FGF14: variants seen among roughly 807,000 people sequenced by gnomAD.
FGF14 encodes fibroblast growth factor 14, also known as fibroblast growth factor homologous factor 4.
Under a neutral mutation model 25.5 loss-of-function variants are expected in FGF14, and 5 were observed. The observed-to-expected ratio is 0.20, with a 90% CI of 0.10 to 0.41. FGF14 has a LOEUF of 0.41. Ranked by LOEUF, FGF14 falls within the 10% of genes least tolerant of loss-of-function variation. FGF14 has a pLI of 1.00. For missense variants in FGF14, 222 were observed against 320.1 expected, an observed-to-expected ratio of 0.69 and a Z score of 2.34; for synonymous variants, 138 against 118.3, an observed-to-expected ratio of 1.17 and a Z score of -1.08.
At chr13:101,929,820 T>C (rs1180182778) in intron 1 of FGF14, among the ~76,000 whole-genome samples, 1 of 152,252 alleles carries the variant, frequency 6.6e-6, no homozygotes. Flanking sequence ...TGGTGGGTTG[T>C]AGCCCTTTAT....
intron 1 of FGF14, among the ~76,000 whole-genome samples, chr13:102,004,484 C>G (rs61966482): frequency 0.023 from 3,551 of 152,264 alleles, 49 homozygotes; most frequent in Middle Eastern, 0.054. Context: ...GCAAAACAAC[C>G]TGATCTTTAC....
intron 1 of FGF14, among the ~76,000 whole-genome samples, chr13:102,076,315 T>C (rs2043361184): frequency 6.6e-6 from 1 of 152,202 alleles, no homozygotes; most frequent in South Asian, 2.1e-4. Context: ...TATGTTTAGA[T>C]ACACAATCAC....
chr13:102,311,488 G>A (rs2055764193), intron 1 of FGF14, among the ~76,000 whole-genome samples: 1 of 152,120 alleles, frequency 6.6e-6, no homozygotes, highest in African/African-American at 2.4e-5. Context: ...GCTGAATCGG[G>A]CCGATTTAAA....
intron 3 of FGF14, among the ~76,000 whole-genome samples, chr13:101,789,928 C>A (rs1368638901): frequency 6.6e-6 from 1 of 151,446 alleles, no homozygotes; most frequent in Non-Finnish European, 1.5e-5. Context: ...AATGCCCTTA[C>A]ATTATTCTTA....
At chr13:101,899,944 A>G (rs2031302208) in intron 1 of FGF14, among the ~76,000 whole-genome samples, 1 of 152,164 alleles carries the variant, frequency 6.6e-6, no homozygotes, top group Non-Finnish European at 1.5e-5. Flanking sequence ...GCACCTGGCT[A>G]CAAAATAAAA....
intron 1 of FGF14, among the ~76,000 whole-genome samples, chr13:102,074,826 C>T (rs868824079): frequency 6.6e-6 from 1 of 152,058 alleles, no homozygotes. Context: ...GGATAAAAAC[C>T]GTATGATCAT....
chr13:102,390,248 A>G (rs1297963896), intron 1 of FGF14, among the ~76,000 whole-genome samples: 1 of 152,220 alleles, frequency 6.6e-6, no homozygotes, highest in East Asian at 1.9e-4. Flanking sequence ...GGAATATTCC[A>G]TATCTTAACT....
At chr13:102,028,983 G>A (rs1170525857) in intron 1 of FGF14, among the ~76,000 whole-genome samples, 1 of 152,002 alleles carries the variant, frequency 6.6e-6, no homozygotes, top group African/African-American at 2.4e-5. Flanking sequence ...AGGCTCAGCA[G>A]AACACATTCT....
intron 1 of FGF14, among the ~76,000 whole-genome samples, chr13:102,077,176 A>G (rs1037405606): frequency 2.0e-5 from 3 of 152,184 alleles, no homozygotes; most frequent in Non-Finnish European, 2.9e-5. Context: ...TGAATGTATG[A>G]CACAAGTTAT....
chr13:102,241,544 A>G (rs1021748395), intron 1 of FGF14, among the ~76,000 whole-genome samples: 11 of 152,186 alleles, frequency 7.2e-5, no homozygotes, highest in African/African-American at 2.4e-4. Context: ...AGGACAACTA[A>G]CAAAGACAGC....
At chr13:102,335,136 T>A (rs2056755320) in intron 1 of FGF14, among the ~76,000 whole-genome samples, 1 of 152,146 alleles carries the variant, frequency 6.6e-6, no homozygotes, top group African/African-American at 2.4e-5. Context: ...TGTTAATACA[T>A]CACATCTCAG....
chr13:102,300,673 T>G (rs1318646395), intron 1 of FGF14, among the ~76,000 whole-genome samples: 1 of 152,160 alleles, frequency 6.6e-6, no homozygotes, highest in Non-Finnish European at 1.5e-5. Context: ...ATTAGATTTG[T>G]TTGAAATACT....
intron 1 of FGF14, among the ~76,000 whole-genome samples, chr13:102,304,913 C>G (rs1480074550): frequency 6.6e-6 from 1 of 152,190 alleles, no homozygotes; most frequent in African/African-American, 2.4e-5. Flanking sequence ...AGCTAAGACA[C>G]TCCTGAATTC....
chr13:102,232,371 C>G (rs1180667048), intron 1 of FGF14, among the ~76,000 whole-genome samples: 3 of 152,162 alleles, frequency 2.0e-5, no homozygotes, highest in Admixed American at 2.0e-4. Flanking sequence ...TATATCCTAT[C>G]AAGCTATCAC....
rs571739961 is a variant in FGF14, at chr13:102,203,676, A to T, written c.208+197795T>A. Among the ~76,000 whole-genome samples, 9 of 152,314 alleles carry T rather than the reference A, an allele frequency of 5.9e-5. No homozygotes were observed. In the East Asian group the frequency reaches 1.7e-3, roughly 29 times the overall value. Reference sequence around the variant, plus strand: ...AAAATAAAATTTTATTGAAACAGTGAATTTTAAACATTGTTCCACTTTGCT... The same window carrying T: ...AAAATAAAATTTTATTGAAACAGTGTATTTTAAACATTGTTCCACTTTGCT... On this transcript the variant is annotated intron_variant, in intron 1 of 4. Coordinates refer to the FGF14 transcript ENST00000376131.
intron 1 of FGF14, among the ~76,000 whole-genome samples, chr13:101,974,651 G>A (rs4772430): frequency 0.34 from 52,101 of 151,938 alleles, 9,498 homozygotes; most frequent in East Asian, 0.71. Context: ...GAAGTAATGC[G>A]CTGAGCTTGC....
intron 1 of FGF14, among the ~76,000 whole-genome samples, chr13:102,164,888 A>T (rs528628410): frequency 1.3e-5 from 2 of 152,318 alleles, no homozygotes; most frequent in South Asian, 4.1e-4. Context: ...TCTTTTACTT[A>T]AAAGTTCAAA....
chr13:101,832,106 C>T (rs987689683), intron 3 of FGF14, among the ~76,000 whole-genome samples: 2 of 151,998 alleles, frequency 1.3e-5, no homozygotes, highest in South Asian at 4.1e-4. Flanking sequence ...CATATGTCTC[C>T]TCGTAAGAAA....
At chr13:101,983,952 G>A (rs772421887) in intron 1 of FGF14, among the ~76,000 whole-genome samples, 3 of 152,068 alleles carry the variant, frequency 2.0e-5, no homozygotes, top group Non-Finnish European at 2.9e-5. Context: ...TGGGATCACT[G>A]GTCACGCTTT....
Sources: allele counts gnomAD v4.1 joint callset (sites outside exome capture counted in the v4.1 genomes callset), GRCh38; gene constraint gnomAD v4.1.1; transcripts MANE v1.5; gene names NCBI Gene and HGNC (gene_info 2026-07-23, HGNC 2026-07-21).